CEP350: variants seen among roughly 807,000 people sequenced by gnomAD.
CEP350 encodes the protein centrosome-associated protein 350.
A neutral mutation model predicts 331.8 loss-of-function variants in CEP350; 126 were observed. The ratio of observed to expected loss-of-function variants is 0.38; its 90% CI spans 0.33 to 0.44. The LOEUF (loss-of-function observed/expected upper bound fraction) is 0.44. Among genes scored for constraint, CEP350 ranks in the 20% least tolerant of loss-of-function variants. CEP350 has a pLI of 1.00. For missense variants in CEP350, 3,406 were observed against 3,634.6 expected, an observed-to-expected ratio of 0.94 and a Z score of 1.62; for synonymous variants, 1,200 against 1,259.5, an observed-to-expected ratio of 0.95 and a Z score of 1.00.
intron 37 of CEP350, among the ~76,000 whole-genome samples, chr1:180,105,999 C>T (rs1558164680): frequency 6.6e-6 from 1 of 152,162 alleles, no homozygotes; most frequent in Non-Finnish European, 1.5e-5. Context: ...TCATTCACTC[C>T]CCCTTTTTCT....
At position 180,095,897 on chromosome 1, in the gene CEP350, T is replaced by C. The variant is rs781566827; in HGVS notation, c.8886T>C (p.Asp2962=). Residue 2962 remains aspartate (D), a synonymous_variant, in exon 35 of 38, where the codon GAT becomes GAC. Transcript: ENST00000367607. ...KLLGCASKGL[D]IESTSKRVYK... is the part of the protein sequence containing the mutation. ...TTGGCTGTGCCAGTAAAGGTCTAGA[T>C]ATAGAAAGCACTAGTAAAAGGGTCT... is the stretch of plus-strand genomic sequence containing the variant. 3.7e-6 allele frequency: 6 copies of C among 1,607,832 alleles called. No homozygotes were observed. The South Asian group carries it at 6.6e-5, about 18-fold the overall frequency.
At chr1:179,993,093 A>T (rs1263225763) in intron 5 of CEP350, among the ~76,000 whole-genome samples, 4 of 152,052 alleles carry the variant, frequency 2.6e-5, no homozygotes, top group African/African-American at 9.7e-5. Context: ...TTAAGTAGGC[A>T]TTTAAAAATT....
intron 17 of CEP350, among the ~76,000 whole-genome samples, chr1:180,039,861 C>T (rs987184970): frequency 2.0e-5 from 3 of 152,118 alleles, no homozygotes; most frequent in African/African-American, 7.2e-5. Flanking sequence ...GTTAGTCAGT[C>T]TGGGGAGAAT....
intron 1 of CEP350, among the ~76,000 whole-genome samples, chr1:179,968,509 A>G (rs1211970522): frequency 6.6e-6 from 1 of 152,300 alleles, no homozygotes; most frequent in Middle Eastern, 3.4e-3. Context: ...CTTCCAATGA[A>G]AGAAAAATTG....
intron 14 of CEP350, among the ~76,000 whole-genome samples, chr1:180,030,317 A>ATATGTATATATACATATACTTATGTG (rs371007302): frequency 0.12 from 18,008 of 147,244 alleles, 1,168 homozygotes; most frequent in South Asian, 0.16. Flanking sequence ...GTATATATGT[A>ATATGTATATATACATATACTTATGTG]TATATATACA....
chr1:179,990,201 A>C (rs561072001), intron 3 of CEP350, among the ~76,000 whole-genome samples: 4 of 152,190 alleles, frequency 2.6e-5, no homozygotes, highest in Admixed American at 2.0e-4. Flanking sequence ...AAAAAGTCAG[A>C]TAATTTACTA....
chr1:180,060,949 A>G (rs1221008233), intron 25 of CEP350, among the ~76,000 whole-genome samples: 1 of 152,108 alleles, frequency 6.6e-6, no homozygotes. Context: ...ACCTCTGAGG[A>G]GTTGGGGCAC....
intron 25 of CEP350, among the ~76,000 whole-genome samples, chr1:180,058,933 T>C (rs1006237524): frequency 5.9e-5 from 9 of 152,228 alleles, no homozygotes; most frequent in African/African-American, 2.2e-4. Context: ...TATTTTCCTA[T>C]GTCTTATTCG....
intron 20 of CEP350, among the ~76,000 whole-genome samples, chr1:180,043,462 CAGGTCAG>C (rs1656904039): frequency 6.6e-6 from 1 of 152,126 alleles, no homozygotes; most frequent in African/African-American, 2.4e-5. Context: ...GGGGTGCCAG[CAGGTCAG>C]AGAAGGCTTT....
At chr1:179,991,249 A>G (rs1397651606) in intron 4 of CEP350, among the ~76,000 whole-genome samples, 1 of 150,630 alleles carries the variant, frequency 6.6e-6, no homozygotes, top group African/African-American at 2.4e-5. Context: ...ACTGTCATAA[A>G]TTGATACAAT....
rs187144573 is a variant in CEP350 at position 180,020,541 on chromosome 1, C to T, written c.2767C>T (p.Pro923Ser). 1.4e-4 allele frequency: 231 copies of T among 1,613,774 alleles called. No homozygotes were observed. The highest frequency in any genetic ancestry group is 1.8e-4 in the Non-Finnish European group (215 of 1,179,872). Reference sequence around the variant, plus strand: ...CAATCTTAGTGAATTTAAAAAGCTTCCTGAGATGATAAGACCACAGAGTGC... The same window carrying T: ...CAATCTTAGTGAATTTAAAAAGCTTTCTGAGATGATAAGACCACAGAGTGC... ...VGNLSEFKKL[P>S]EMIRPQSAIS... is the part of the protein sequence containing the mutation. The change falls in exon 12 of 38, where the codon CCT becomes TCT. Residue 923 changes from proline to serine, a missense_variant. Pro to Ser is a moderately conservative substitution (Grantham distance 74, BLOSUM62 -1). Around this residue, in one of 5 missense-constraint regions of CEP350, gnomAD observed 1,857 missense variants for 1,909.2 expected, o/e 0.97. Coordinates refer to ENST00000367607, the MANE Select transcript of CEP350 (RefSeq NM_014810.5).
At chr1:180,048,965 G>A (rs1657305415) in intron 22 of CEP350, among the ~76,000 whole-genome samples, 1 of 152,142 alleles carries the variant, frequency 6.6e-6, no homozygotes, top group African/African-American at 2.4e-5. Flanking sequence ...GTACGTGGGA[G>A]GCTAAGATGG....
intron 25 of CEP350, among the ~76,000 whole-genome samples, chr1:180,058,314 A>G (rs190734757): frequency 2.2e-3 from 334 of 152,316 alleles, no homozygotes; most frequent in Non-Finnish European, 3.9e-3. Flanking sequence ...GTGTTGTCCA[A>G]TACTGTAGCT....
In CEP350 at chr1:179,954,824, A is replaced by C; in HGVS notation, c.-332A>C. The C allele has an allele frequency of 2.4e-6, 1 of 425,182 alleles. No individual in the cohort carries two copies. The highest frequency in any genetic ancestry group is 4.1e-6 in the Non-Finnish European group (1 of 241,016). 26.3% of individuals were successfully genotyped at this position (425,182 alleles called of 1,614,324 possible). The stretch of plus-strand genomic sequence containing the variant: ...TCCTCCGTGTCAGTTGTTGGGCTGT[A>C]ATGGCGACTGGGCCGCCCCTGACGA... On this transcript the variant is annotated 5_prime_UTR_variant, in exon 1 of 38. Coordinates refer to ENST00000367607, the MANE Select transcript of CEP350 (RefSeq NM_014810.5).
At chr1:180,059,905 A>G (rs1407203468) in intron 25 of CEP350, among the ~76,000 whole-genome samples, 3 of 152,136 alleles carry the variant, frequency 2.0e-5, no homozygotes, top group South Asian at 2.1e-4. Context: ...ATATTGCATA[A>G]TGAAGTGTGT....
intron 1 of CEP350, among the ~76,000 whole-genome samples, chr1:179,972,486 G>A (rs1271230096): frequency 6.6e-6 from 1 of 152,002 alleles, no homozygotes; most frequent in South Asian, 2.1e-4. Context: ...TAGAAGTCAA[G>A]GGAAAAGAGT....
At chr1:180,022,027 T>G (rs537070974) in intron 12 of CEP350, among the ~76,000 whole-genome samples, 1 of 152,182 alleles carries the variant, frequency 6.6e-6, no homozygotes. Context: ...AAATTTCCCC[T>G]CTATATAGTG....
chr1:179,973,448 C>T (rs918135979), intron 1 of CEP350, among the ~76,000 whole-genome samples: 3 of 152,156 alleles, frequency 2.0e-5, no homozygotes, highest in African/African-American at 7.2e-5. Context: ...GTTAATCACC[C>T]TGTTCCTGTC....
Position 180,031,491 on chromosome 1 carries a change from T to A in CEP350, c.3722T>A (p.Val1241Glu). 1 of 1,412,282 alleles carries A rather than the reference T, an allele frequency of 7.1e-7. No individual in the cohort carries two copies. Among genetic ancestry groups the A allele is most frequent in the Non-Finnish European group, 9.4e-7 (1 of 1,062,364 alleles). The allele number at this position is 1,412,282 out of a possible 1,614,324, so 87.5% of individuals were successfully genotyped here. A position where few individuals can be genotyped will look rare whatever the true frequency, so the allele number is the denominator to read the frequency against. Residue 1241 changes from valine to glutamate, a missense_variant, in exon 15 of 38, where the codon GTG becomes GAG. Val to Glu is a moderately radical substitution (Grantham distance 121). Coordinates refer to ENST00000367607, the MANE Select transcript of CEP350 (RefSeq NM_014810.5). ...STLEDLSGHS[V>E]SVSSDKGRSQ... ...TTGGAGGATCTTTCTGGACATTCTG[T>A]GAGGTAATGTATATTTTATACTGTA...
Sources: gnomAD v4.1 joint callset for allele counts (sites outside exome capture counted in the v4.1 genomes callset) on GRCh38, gnomAD v4.1.1 for gene constraint, gnomAD v4.1.1 regional missense constraint, MANE v1.5 for transcripts, NCBI Gene and HGNC (gene_info 2026-07-23, HGNC 2026-07-21) for gene names.